Variants in CABCOCO1 observed in about 807,000 individuals in gnomAD.
The protein encoded by CABCOCO1 is ciliary-associated calcium-binding coiled-coil protein 1.
In CABCOCO1, 28 loss-of-function variants were observed where a neutral mutation model predicts 35.7. The ratio of observed to expected loss-of-function variants is 0.78; its 90% CI spans 0.58 to 1.07. The LOEUF is 1.07. CABCOCO1 is among the 50% of genes least tolerant of loss of function. The pLI is 0.00. For synonymous variants in CABCOCO1, 95 were observed against 100.1 expected, an observed-to-expected ratio of 0.95 and a Z score of 0.30; for missense variants, 326 against 309.2, an observed-to-expected ratio of 1.05 and a Z score of -0.41.
At chr10:61,669,362 A>C (rs1839290969) in intron 1 of CABCOCO1, among the ~76,000 whole-genome samples, 1 of 152,046 alleles carries the variant, frequency 6.6e-6, no homozygotes, top group East Asian at 1.9e-4. Context: ...GGTGGAGTAA[A>C]ATGAATTAAC....
At chr10:61,679,335 A>ATATCTG (rs1839634236) in intron 2 of CABCOCO1, among the ~76,000 whole-genome samples, 1 of 134,352 alleles carries the variant, frequency 7.4e-6, no homozygotes, top group Non-Finnish European at 1.7e-5. Flanking sequence ...ATATCTATCT[A>ATATCTG]TATCTATCTA....
rs980247211 is a variant in CABCOCO1 at position 61,684,884 on chromosome 10, C to T, written c.335-1157C>T. 4 of 152,024 alleles carry T rather than the reference C, an allele frequency of 2.6e-5. No individual in the cohort carries two copies. In the East Asian group the frequency reaches 5.8e-4, roughly 22 times the overall value. 9.4% of individuals were successfully genotyped at this position (152,024 alleles called of 1,614,324 possible). ...TAACACTGAGCATAACAGAACCAAA[C>T]GAGAAAAGAAAATGGAATTATATTT... On this transcript the variant is annotated intron_variant, in intron 3 of 7. Coordinates refer to ENST00000648843, the MANE Select transcript of CABCOCO1 (RefSeq NM_001366906.2).
chr10:61,687,109 G>A (rs1194484267), intron 4 of CABCOCO1, among the ~76,000 whole-genome samples: 1 of 152,266 alleles, frequency 6.6e-6, no homozygotes, highest in Non-Finnish European at 1.5e-5. Context: ...TTAAATCCTA[G>A]TAGGTTTAAT....
chr10:61,669,389 C>T (rs1431490320), intron 1 of CABCOCO1, among the ~76,000 whole-genome samples: 1 of 152,016 alleles, frequency 6.6e-6, no homozygotes, highest in Non-Finnish European at 1.5e-5. Flanking sequence ...ATTTAGCTTA[C>T]ATATTTTCCT....
chr10:61,710,023 T>C (rs1840690202), intron 5 of CABCOCO1, among the ~76,000 whole-genome samples: 1 of 152,038 alleles, frequency 6.6e-6, no homozygotes, highest in South Asian at 2.1e-4. Context: ...TAAATTTTTG[T>C]TACCTCAAAA....
At chr10:61,697,409 A>G (rs1342276277) in intron 5 of CABCOCO1, among the ~76,000 whole-genome samples, 1 of 152,116 alleles carries the variant, frequency 6.6e-6, no homozygotes. Flanking sequence ...TATCTCTAAA[A>G]TATATTCTTA....
intron 5 of CABCOCO1, among the ~76,000 whole-genome samples, chr10:61,726,386 T>C (rs1012929463): frequency 2.6e-5 from 4 of 152,078 alleles, no homozygotes; most frequent in African/African-American, 9.6e-5. Context: ...TACTATCTTA[T>C]TTATTAAAAT....
intron 5 of CABCOCO1, among the ~76,000 whole-genome samples, chr10:61,755,769 G>A (rs1039809564): frequency 3.4e-4 from 51 of 151,842 alleles, no homozygotes; most frequent in African/African-American, 1.2e-3. Context: ...CATTACTAAA[G>A]TAAAACAATA....
chr10:61,663,017 C>CG lies in CABCOCO1; in HGVS notation c.45_46insG (p.Thr16AspfsTer9), dbSNP rs764069133. On this transcript the variant is annotated frameshift_variant, in exon 1 of 8. Coordinates refer to ENST00000648843, the MANE Select transcript of CABCOCO1 (RefSeq NM_001366906.2). LOFTEE classifies it high-confidence loss of function. The stretch of plus-strand genomic sequence containing the variant: ...CCTGGGGGCCGACCCCGGCGGGAAC[C>CG]ACGCCCGAATCGGAGGTACACCGCC... The CG allele has an allele frequency of 3.8e-5, 2 of 53,080 alleles. No homozygotes were observed. Among genetic ancestry groups the CG allele is most frequent in the Admixed American group, 3.6e-4 (1 of 2,812 alleles). The allele number at this position is 53,080 out of a possible 1,614,324, so 3.3% of individuals were successfully genotyped here.
At chr10:61,668,887 A>C (rs1469471645) in intron 1 of CABCOCO1, among the ~76,000 whole-genome samples, 4 of 151,798 alleles carry the variant, frequency 2.6e-5, no homozygotes, top group Non-Finnish European at 4.4e-5. Flanking sequence ...TAAAGCCCCC[A>C]AAAAACCCTG....
At chr10:61,704,138 C>T (rs186853502) in intron 5 of CABCOCO1, among the ~76,000 whole-genome samples, 166 of 152,180 alleles carry the variant, frequency 1.1e-3, no homozygotes, top group African/African-American at 3.8e-3. Flanking sequence ...TCAGGAGAAT[C>T]GCTTGAACCT....
intron 5 of CABCOCO1, among the ~76,000 whole-genome samples, chr10:61,702,936 A>G (rs1406790767): frequency 6.6e-6 from 1 of 152,144 alleles, no homozygotes; most frequent in African/African-American, 2.4e-5. Flanking sequence ...CAGGAAAAAA[A>G]AAACAACAAC....
chr10:61,759,229 A>G (rs1175619205), intron 5 of CABCOCO1, among the ~76,000 whole-genome samples: 1 of 152,088 alleles, frequency 6.6e-6, no homozygotes, highest in African/African-American at 2.4e-5. Flanking sequence ...GAGAACCCTC[A>G]AGTGGGCACG....
At chr10:61,743,355 T>C (rs1355794364) in intron 5 of CABCOCO1, among the ~76,000 whole-genome samples, 3 of 152,232 alleles carry the variant, frequency 2.0e-5, no homozygotes, top group African/African-American at 7.2e-5. Context: ...ACTTACTCTG[T>C]GAAAGATTGT....
chr10:61,670,660 G>A (rs1373318680), intron 1 of CABCOCO1, among the ~76,000 whole-genome samples: 1 of 152,022 alleles, frequency 6.6e-6, no homozygotes, highest in Non-Finnish European at 1.5e-5. Context: ...GAACTCAATC[G>A]CATGGAAGGC....
intron 3 of CABCOCO1, among the ~76,000 whole-genome samples, chr10:61,681,610 A>G (rs1175695931): frequency 6.6e-6 from 1 of 152,080 alleles, no homozygotes; most frequent in Non-Finnish European, 1.5e-5. Context: ...ATTCTTGTGA[A>G]ATTTTTGTAA....
At chr10:61,764,745 G>A (rs746920514) in intron 7 of CABCOCO1, among the ~76,000 whole-genome samples, 6 of 151,842 alleles carry the variant, frequency 4.0e-5, no homozygotes, top group Non-Finnish European at 7.4e-5. Context: ...ACCAGAGGCC[G>A]GAGCTTGATC....
rs375921843 is a variant in CABCOCO1, at chr10:61,737,743, G to A, written c.553-22316G>A. Among the ~76,000 whole-genome samples the A allele has an allele frequency of 3.9e-4, 60 of 152,250 alleles. 1 individual carries two copies. The South Asian group carries it at 0.012, about 31-fold the overall frequency. ...ACCACATGTTCTCACTTATAAGCGA[G>A]AGCTAAATGATAAGAATTTATGAAC... is the stretch of plus-strand genomic sequence containing the variant. On this transcript the variant is annotated intron_variant, in intron 5 of 7. Coordinates refer to ENST00000648843, the MANE Select transcript of CABCOCO1 (RefSeq NM_001366906.2).
At chr10:61,685,803 T>G (rs548627955) in intron 3 of CABCOCO1, among the ~76,000 whole-genome samples, 2 of 152,320 alleles carry the variant, frequency 1.3e-5, no homozygotes, top group African/African-American at 4.8e-5. Flanking sequence ...GCTCAAGTGA[T>G]CCACCCACCT....
Sources: allele counts gnomAD v4.1 joint callset (sites outside exome capture counted in the v4.1 genomes callset), GRCh38; gene constraint gnomAD v4.1.1; transcripts MANE v1.5; gene names NCBI Gene and HGNC (gene_info 2026-07-23, HGNC 2026-07-21).